Variants in SDC1 observed in about 807,000 individuals in gnomAD.
SDC1 encodes the protein syndecan 1.
Under a neutral mutation model 29.7 loss-of-function variants are expected in SDC1, and 14 were observed. The observed-to-expected ratio is 0.47, with a 90% CI of 0.31 to 0.74. The LOEUF (loss-of-function observed/expected upper bound fraction) is 0.74, where lower values mean the gene tolerates loss of function less well. SDC1 is among the 30% of genes least tolerant of loss of function. The probability of loss-of-function intolerance (pLI) is 0.05; values close to 1 mark genes in which losing one functional copy is unlikely to be tolerated. For synonymous variants in SDC1, 204 were observed against 175.5 expected, an observed-to-expected ratio of 1.16 and a Z score of -1.29; for missense variants, 406 against 400.3, an observed-to-expected ratio of 1.01 and a Z score of -0.12.
chr2:20,217,391 G>A (rs1325260907), intron 1 of SDC1, among the ~76,000 whole-genome samples: 1 of 152,124 alleles, frequency 6.6e-6, no homozygotes, highest in Non-Finnish European at 1.5e-5. Flanking sequence ...AGCCAGATAG[G>A]TCTCATGAAG....
intron 1 of SDC1, among the ~76,000 whole-genome samples, chr2:20,211,691 C>T (rs554938954): frequency 1.4e-3 from 213 of 152,348 alleles, no homozygotes; most frequent in African/African-American, 4.9e-3. Flanking sequence ...GCTCCGGGGA[C>T]GAAGGCTGGG....
At position 20,202,597 on chromosome 2, in the gene SDC1, G is replaced by T; in HGVS notation, c.*169C>A. ...TCCAGGCAGAAGTCAGAGAAGCAGA[G>T]TGGAGCTCCCAGCACACCCCACGAC... On this transcript the variant is annotated 3_prime_UTR_variant, in exon 5 of 5. Coordinates refer to ENST00000254351, the MANE Select transcript of SDC1 (RefSeq NM_002997.5). 1.5e-6 allele frequency: 1 copy of T among 683,176 alleles called. No individual in the cohort carries two copies. Among genetic ancestry groups the T allele is most frequent in the Non-Finnish European group, 2.5e-6 (1 of 394,906 alleles). The allele number at this position is 683,176 out of a possible 1,614,324, so 42.3% of individuals were successfully genotyped here. A position where few individuals can be genotyped will look rare whatever the true frequency, so the allele number is the denominator to read the frequency against.
At chr2:20,212,261 G>A (rs1677488677) in intron 1 of SDC1, among the ~76,000 whole-genome samples, 1 of 152,194 alleles carries the variant, frequency 6.6e-6, no homozygotes, top group Non-Finnish European at 1.5e-5. Context: ...TGACAGTCTG[G>A]CCTCTGTCCC....
intron 1 of SDC1, among the ~76,000 whole-genome samples, chr2:20,208,455 TAG>T (rs947063823): frequency 1.2e-4 from 18 of 152,366 alleles, no homozygotes; most frequent in African/African-American, 4.1e-4. Context: ...GGGGACAGGC[TAG>T]AGAGACCTCC....
At chr2:20,203,493 A>T (rs1677117412) in intron 3 of SDC1, among the ~76,000 whole-genome samples, 1 of 152,250 alleles carries the variant, frequency 6.6e-6, no homozygotes. Flanking sequence ...TTTAGTGTAA[A>T]GCGTAAAATT....
chr2:20,214,087 T>C (rs959882355), intron 1 of SDC1, among the ~76,000 whole-genome samples: 26 of 152,182 alleles, frequency 1.7e-4, no homozygotes, highest in African/African-American at 6.0e-4. Context: ...GTGGGAGCTC[T>C]GGGAGAGGGA....
intron 1 of SDC1, among the ~76,000 whole-genome samples, chr2:20,211,729 C>T (rs78814070): frequency 0.041 from 6,209 of 152,338 alleles, 415 homozygotes; most frequent in African/African-American, 0.14. Context: ...GCTGCAGGGC[C>T]TGGTCCTGCT....
At chr2:20,212,868 G>A (rs981322705) in intron 1 of SDC1, among the ~76,000 whole-genome samples, 3 of 151,970 alleles carry the variant, frequency 2.0e-5, no homozygotes, top group African/African-American at 4.8e-5. Context: ...ACTGTCCTGG[G>A]GGCTTCCAGG....
intron 1 of SDC1, among the ~76,000 whole-genome samples, chr2:20,209,218 T>C (rs1677383250): frequency 1.3e-5 from 2 of 152,194 alleles, no homozygotes; most frequent in Admixed American, 6.5e-5. Context: ...TTTCCACCCA[T>C]TCCTCTTTCT....
At chr2:20,204,331 G>C (rs1291666953) in intron 2 of SDC1, 40 bp from the exon 3 acceptor site, 10 of 1,395,270 alleles carry the variant, frequency 7.2e-6, no homozygotes, top group South Asian at 2.3e-5. Flanking sequence ...GAGGTGGGGG[G>C]TGGGGAGGAC....
Position 20,202,535 on chromosome 2 carries a change from A to T in SDC1, c.*231T>A, listed in dbSNP as rs532944655. ...CGATGCCAGGTGCTGGCTGTGGTGGAAAGGTCCTATGCGAGAAACCCCTGG... is the reference window on the plus strand; with the variant it reads ...CGATGCCAGGTGCTGGCTGTGGTGGTAAGGTCCTATGCGAGAAACCCCTGG... On this transcript the variant is annotated 3_prime_UTR_variant, in exon 5 of 5. Coordinates refer to ENST00000254351, the MANE Select transcript of SDC1 (RefSeq NM_002997.5). The T allele has an allele frequency of 8.4e-6, 5 of 593,098 alleles. No individual in the cohort carries two copies. In the East Asian group the frequency reaches 1.4e-4, roughly 17 times the overall value. The allele number at this position is 593,098 out of a possible 1,614,324, so 36.7% of individuals were successfully genotyped here. A position where few individuals can be genotyped will look rare whatever the true frequency, so the allele number is the denominator to read the frequency against.
chr2:20,210,863 C>G (rs1677445262), intron 1 of SDC1, among the ~76,000 whole-genome samples: 1 of 151,644 alleles, frequency 6.6e-6, no homozygotes, highest in South Asian at 2.1e-4. Flanking sequence ...GACACCCACC[C>G]TCCCCATCCC....
At chr2:20,216,087 T>G (rs1677618388) in intron 1 of SDC1, among the ~76,000 whole-genome samples, 1 of 152,190 alleles carries the variant, frequency 6.6e-6, no homozygotes, top group Non-Finnish European at 1.5e-5. Flanking sequence ...TCTATGCCCT[T>G]TCTACAATTC....
chr2:20,203,170 G>A lies in SDC1; in HGVS notation c.680C>T (p.Pro227Leu). ...GENTAVVAVEPDRRNQSPVDQ... is the reference protein window; with the variant it reads ...GENTAVVAVELDRRNQSPVDQ... ...CACTGGGGACTGGTTCCGGCGGTCA[G>A]GCTCCACGGCCACTACAGCCGTATT... Residue 227 changes from proline (P) to leucine (L), a missense_variant, in exon 4 of 5, where the codon CCT becomes CTT. Pro to Leu is a moderately conservative substitution (Grantham distance 98, BLOSUM62 -3). Coordinates refer to ENST00000254351, the MANE Select transcript of SDC1 (RefSeq NM_002997.5). The A allele has an allele frequency of 6.2e-7, 1 of 1,613,060 alleles. No individual in the cohort carries two copies. The highest frequency in any genetic ancestry group is 8.5e-7 in the Non-Finnish European group (1 of 1,179,636).
chr2:20,223,495 C>T (rs780203189), intron 1 of SDC1: 5 of 332,952 alleles, frequency 1.5e-5, no homozygotes, highest in Admixed American at 4.0e-5. Flanking sequence ...GAGACACCGC[C>T]ACTTCCGGAA....
chr2:20,208,899 C>A (rs965066664), intron 1 of SDC1, among the ~76,000 whole-genome samples: 1 of 152,224 alleles, frequency 6.6e-6, no homozygotes, highest in Admixed American at 6.5e-5. Flanking sequence ...ATCTAGGCTT[C>A]CACTCATTCT....
chr2:20,215,785 A>G, intron 1 of SDC1, among the ~76,000 whole-genome samples: 1 of 152,168 alleles, frequency 6.6e-6, no homozygotes, highest in East Asian at 1.9e-4. Flanking sequence ...TCCGGATGTG[A>G]TCCAGGTGGG....
At chr2:20,218,993 G>A (rs1572472879) in intron 1 of SDC1, among the ~76,000 whole-genome samples, 1 of 152,174 alleles carries the variant, frequency 6.6e-6, no homozygotes, top group Non-Finnish European at 1.5e-5. Flanking sequence ...CCCTTGAGGG[G>A]CTCCCAGTGG....
rs1050198554 is a variant in SDC1, at chr2:20,208,029, G to A, written c.67-2605C>T. On this transcript the variant is annotated intron_variant, in intron 1 of 4. Coordinates refer to ENST00000254351, the MANE Select transcript of SDC1 (RefSeq NM_002997.5). ...CAAGATGGGGCAGGGATGGGGCAAG[G>A]CACTGGCACTTCGACCCCACGAGCC... 6 of 985,442 alleles carry A rather than the reference G, an allele frequency of 6.1e-6. No homozygotes were observed. In the African/African-American group the frequency reaches 1.0e-4, roughly 17 times the overall value. The allele number at this position is 985,442 out of a possible 1,614,324, so 61.0% of individuals were successfully genotyped here.
Sources: allele counts gnomAD v4.1 joint callset (sites outside exome capture counted in the v4.1 genomes callset), GRCh38; gene constraint gnomAD v4.1.1; transcripts MANE v1.5; gene names NCBI Gene and HGNC (gene_info 2026-07-23, HGNC 2026-07-21).